LDLRAD4: variants seen among roughly 807,000 people sequenced by gnomAD.
LDLRAD4 encodes low density lipoprotein receptor class A domain containing 4, also known as low-density lipoprotein receptor class A domain-containing protein 4.
A neutral mutation model predicts 17.0 loss-of-function variants in LDLRAD4; 5 were observed. That is an observed-to-expected ratio of 0.29 (90% CI 0.15 to 0.62). The LOEUF (loss-of-function observed/expected upper bound fraction) is 0.62, where lower values mean the gene tolerates loss of function less well. LDLRAD4 is among the 20% of genes least tolerant of loss of function. The pLI is 0.84. For missense variants in LDLRAD4, 340 were observed against 424.7 expected (o/e 0.80, Z 1.75); for synonymous variants, 168 against 171.8 (o/e 0.98, Z 0.17).
At chr18:13,516,600 G>T (rs1379974910) in intron 3 of LDLRAD4, among the ~76,000 whole-genome samples, 1 of 152,242 alleles carries the variant, frequency 6.6e-6, no homozygotes, top group Non-Finnish European at 1.5e-5. Flanking sequence ...CAACAGAGCG[G>T]CACTTCAAGT....
At chr18:13,306,648 C>T (rs1225600121) in intron 1 of LDLRAD4, among the ~76,000 whole-genome samples, 1 of 152,196 alleles carries the variant, frequency 6.6e-6, no homozygotes, top group Non-Finnish European at 1.5e-5. Flanking sequence ...GAAAGGATTT[C>T]ACCATTGAAG....
chr18:13,518,362 T>G (rs1352025348), intron 3 of LDLRAD4, among the ~76,000 whole-genome samples: 1 of 152,268 alleles, frequency 6.6e-6, no homozygotes, highest in Non-Finnish European at 1.5e-5. Flanking sequence ...TTGTATTATA[T>G]TCTTCATTCC....
At chr18:13,376,728 G>A (rs1356547686) in intron 1 of LDLRAD4, among the ~76,000 whole-genome samples, 1 of 152,194 alleles carries the variant, frequency 6.6e-6, no homozygotes, top group Non-Finnish European at 1.5e-5. Context: ...TTCCAGGAGG[G>A]CACGTATCTT....
intron 3 of LDLRAD4, chr18:13,526,115 G>A (rs2094028116): frequency 6.6e-6 from 1 of 152,162 alleles, no homozygotes; most frequent in Non-Finnish European, 1.5e-5. Flanking sequence ...ACTGTTATAA[G>A]CAAACACTCC....
At chr18:13,334,556 C>T (rs1204722912) in intron 1 of LDLRAD4, among the ~76,000 whole-genome samples, 1 of 152,218 alleles carries the variant, frequency 6.6e-6, no homozygotes, top group Non-Finnish European at 1.5e-5. Flanking sequence ...TATATATTAA[C>T]TTTGTATCCT....
chr18:13,558,912 A>AT (rs1156790984), intron 3 of LDLRAD4, among the ~76,000 whole-genome samples: 5 of 4,098 alleles, frequency 1.2e-3, no homozygotes, highest in African/African-American at 1.8e-3. Context: ...AGAGCAAGTC[A>AT]TCGGGGGCCA....
intron 2 of LDLRAD4, among the ~76,000 whole-genome samples, chr18:13,396,246 A>G (rs1192926575): frequency 6.6e-6 from 1 of 152,210 alleles, no homozygotes; most frequent in African/African-American, 2.4e-5. Context: ...AGGGGCAAAA[A>G]AAGAATACAA....
chr18:13,408,418 G>A (rs1239716766), intron 2 of LDLRAD4, among the ~76,000 whole-genome samples: 1 of 151,366 alleles, frequency 6.6e-6, no homozygotes, highest in South Asian at 2.1e-4. Flanking sequence ...GTAGTAGGGT[G>A]TGAGCCGTAG....
intron 3 of LDLRAD4, among the ~76,000 whole-genome samples, chr18:13,525,713 C>T (rs1000664788): frequency 5.3e-4 from 81 of 152,232 alleles, no homozygotes; most frequent in South Asian, 2.1e-4. Flanking sequence ...CCAGAACTCC[C>T]GCTTGCCTGC....
Position 13,479,955 on chromosome 18 carries a change from C to T in LDLRAD4, c.181+41571C>T, listed in dbSNP as rs1027106448. On this transcript the variant is annotated intron_variant, in intron 3 of 5. Transcript: ENST00000359446. ...AGTGCTGGGGAGGATGTGGAGCCACCGGAACTCTCATCTATGGCGGGGGGC... is the reference window on the plus strand; with the variant it reads ...AGTGCTGGGGAGGATGTGGAGCCACTGGAACTCTCATCTATGGCGGGGGGC... Among the ~76,000 whole-genome samples the T allele has an allele frequency of 5.9e-5, 9 of 152,274 alleles. No individual in the cohort carries two copies. In the South Asian group the frequency reaches 1.0e-3, roughly 18 times the overall value.
upstream of LDLRAD4, among the ~76,000 whole-genome samples, chr18:13,276,676 G>C (rs1413261815): frequency 6.6e-6 from 1 of 152,244 alleles, no homozygotes; most frequent in African/African-American, 2.4e-5. Flanking sequence ...TCATGAGGTG[G>C]CAGCTCGCTT....
chr18:13,466,170 T>A (rs2092609319), intron 3 of LDLRAD4, among the ~76,000 whole-genome samples: 1 of 152,130 alleles, frequency 6.6e-6, no homozygotes, highest in Admixed American at 6.5e-5. Context: ...AATGGAATTG[T>A]TCAACATAAG....
At chr18:13,321,871 A>AAAAG (rs2081251733) in intron 1 of LDLRAD4, among the ~76,000 whole-genome samples, 18 of 23,812 alleles carry the variant, frequency 7.6e-4, no homozygotes, top group African/African-American at 4.9e-3. Context: ...CAAAAAAAAA[A>AAAAG]AAAAAAAAAA....
chr18:13,572,407 T>C (rs2094705938), intron 3 of LDLRAD4, among the ~76,000 whole-genome samples: 1 of 152,218 alleles, frequency 6.6e-6, no homozygotes, highest in Non-Finnish European at 1.5e-5. Context: ...TGTGATGTGC[T>C]TACAGCCTGG....
At chr18:13,266,759 C>G (rs900886018) in intron 1 of LDLRAD4, among the ~76,000 whole-genome samples, 10 of 152,238 alleles carry the variant, frequency 6.6e-5, no homozygotes, top group Non-Finnish European at 1.5e-5. Context: ...CCCTGGAGTC[C>G]TGTCCCCACA....
chr18:13,468,238 T>A (rs2092678846), intron 3 of LDLRAD4, among the ~76,000 whole-genome samples: 1 of 152,194 alleles, frequency 6.6e-6, no homozygotes, highest in African/African-American at 2.4e-5. Flanking sequence ...TGCAAGTCAT[T>A]TATCTGATGA....
At chr18:13,434,243 C>T (rs2090517489) in intron 2 of LDLRAD4, among the ~76,000 whole-genome samples, 1 of 77,632 alleles carries the variant, frequency 1.3e-5, no homozygotes, top group African/African-American at 3.7e-5. Context: ...AGTTGTTTCT[C>T]CTAAGTTTTT....
At chr18:13,558,038 G>A (rs994765082) in intron 3 of LDLRAD4, among the ~76,000 whole-genome samples, 1 of 152,198 alleles carries the variant, frequency 6.6e-6, no homozygotes, top group Admixed American at 6.5e-5. Context: ...CACTTTAAAA[G>A]GTGTTGGAGT....
chr18:13,501,412 G>A (rs1242160071), intron 3 of LDLRAD4: 1 of 152,176 alleles, frequency 6.6e-6, no homozygotes, highest in African/African-American at 2.4e-5. Context: ...TGCTAAGCAA[G>A]TCTGCGCCGA....
Sources: allele counts gnomAD v4.1 joint callset (sites outside exome capture counted in the v4.1 genomes callset), GRCh38; gene constraint gnomAD v4.1.1; transcripts MANE v1.5; gene names NCBI Gene and HGNC (gene_info 2026-07-23, HGNC 2026-07-21).